Variants in CPQ observed in about 807,000 individuals in gnomAD.
The protein encoded by CPQ is carboxypeptidase Q.
CPQ carries 37 observed loss-of-function variants against 45.7 expected under a neutral mutation model. That is an observed-to-expected ratio of 0.81 (90% CI 0.62 to 1.07). The LOEUF (loss-of-function observed/expected upper bound fraction) is 1.07, where lower values mean the gene tolerates loss of function less well. Among genes scored for constraint, CPQ ranks in the 50% least tolerant of loss-of-function variants. CPQ has a pLI of 0.00. For synonymous variants in CPQ, 186 were observed against 205.8 expected, an observed-to-expected ratio of 0.90 and a Z score of 0.82; for missense variants, 537 against 572.9, an observed-to-expected ratio of 0.94 and a Z score of 0.64.
intron 6 of CPQ, among the ~76,000 whole-genome samples, chr8:97,061,245 G>T (rs1233748697): frequency 6.6e-6 from 1 of 152,004 alleles, no homozygotes; most frequent in African/African-American, 2.4e-5. Context: ...GAAGCAAATT[G>T]TGGAGCAAGA....
At chr8:97,126,941 T>C (rs1030546657) in intron 7 of CPQ, among the ~76,000 whole-genome samples, 1 of 152,142 alleles carries the variant, frequency 6.6e-6, no homozygotes, top group Non-Finnish European at 1.5e-5. Context: ...TTACAACAAA[T>C]AGTGTTAAAA....
At position 96,787,525 on chromosome 8, in the gene CPQ, C is replaced by CTTTTTTTTTTTTTTTTTTTTTTTTTTTT. The variant is rs71267281; in HGVS notation, c.433+2198_433+2225dup. Among the ~76,000 whole-genome samples the CTTTTTTTTTTTTTTTTTTTTTTTTTTTT allele has an allele frequency of 2.0e-3, 93 of 47,590 alleles. 31 individuals carry two copies. Among genetic ancestry groups the CTTTTTTTTTTTTTTTTTTTTTTTTTTTT allele is most frequent in the Non-Finnish European group, 2.8e-3 (74 of 26,810 alleles). 31.2% of individuals were successfully genotyped at this position (47,590 alleles called of 152,430 possible). A position where few individuals can be genotyped will look rare whatever the true frequency, so the allele number is the denominator to read the frequency against. On this transcript the variant is annotated intron_variant, in intron 2 of 7. Coordinates refer to ENST00000220763, the MANE Select transcript of CPQ (RefSeq NM_016134.4). ...TTGTAGTTTCATTTTCTTATAATGT[C>CTTTTTTTTTTTTTTTTTTTTTTTTTTTT]TTTTTTTTTTTTTTTTTTTTTTTTT...
chr8:97,096,655 G>A (rs566413437), intron 7 of CPQ, among the ~76,000 whole-genome samples: 20 of 152,308 alleles, frequency 1.3e-4, no homozygotes, highest in Middle Eastern at 3.4e-3. Context: ...GAGTGCATGA[G>A]ATTTGAAGGG....
In CPQ at chr8:96,729,450, A is replaced by T. The variant is rs538043503; in HGVS notation, c.-34-55414A>T. 1.4e-3 allele frequency among the ~76,000 whole-genome samples: 219 copies of T among 152,290 alleles called. 4 individuals carry two copies. Among genetic ancestry groups the T allele is most frequent in the Admixed American group, 0.011 (170 of 15,292 alleles). Reference sequence around the variant, plus strand: ...GGAAAGAGGTTTTCCTATCTTCATTATAAGAAGGACAGTATTTTCTAGCCA... The same window carrying T: ...GGAAAGAGGTTTTCCTATCTTCATTTTAAGAAGGACAGTATTTTCTAGCCA... On this transcript the variant is annotated intron_variant, in intron 1 of 7. Transcript: ENST00000220763.
chr8:96,914,211 A>G (rs1812703395), intron 4 of CPQ, among the ~76,000 whole-genome samples: 2 of 152,186 alleles, frequency 1.3e-5, no homozygotes, highest in South Asian at 4.1e-4. Context: ...TAGTTTTGTA[A>G]AAGGAGACAG....
chr8:97,088,723 C>T (rs565263402), intron 7 of CPQ, among the ~76,000 whole-genome samples: 2 of 152,248 alleles, frequency 1.3e-5, no homozygotes, highest in African/African-American at 4.8e-5. Flanking sequence ...CATTTAGAAC[C>T]TATAGCCTAG....
At chr8:96,960,711 T>G (rs544160661) in intron 4 of CPQ, among the ~76,000 whole-genome samples, 1 of 152,324 alleles carries the variant, frequency 6.6e-6, no homozygotes, top group African/African-American at 2.4e-5. Flanking sequence ...TTGCTTTTCT[T>G]CATAGTTATA....
chr8:96,800,793 A>G (rs1810996686), intron 2 of CPQ, among the ~76,000 whole-genome samples: 1 of 152,216 alleles, frequency 6.6e-6, no homozygotes, highest in Non-Finnish European at 1.5e-5. Flanking sequence ...AAGAAGATAT[A>G]CAATCAAAAA....
chr8:96,884,898 T>C (rs1026917799), intron 4 of CPQ, among the ~76,000 whole-genome samples: 31 of 152,318 alleles, frequency 2.0e-4, no homozygotes, highest in African/African-American at 7.0e-4. Flanking sequence ...AAATAACTTA[T>C]AAAATTAGCT....
At chr8:96,876,917 GT>G (rs975979176) in intron 3 of CPQ, among the ~76,000 whole-genome samples, 1 of 152,132 alleles carries the variant, frequency 6.6e-6, no homozygotes, top group African/African-American at 2.4e-5. Flanking sequence ...CCTTTGTCTG[GT>G]TTTGATGACA....
chr8:96,947,878 A>G (rs940843897), intron 4 of CPQ, among the ~76,000 whole-genome samples: 12 of 152,134 alleles, frequency 7.9e-5, no homozygotes, highest in Admixed American at 7.2e-4. Flanking sequence ...TGAGACAGGC[A>G]GACCAAACCC....
At chr8:96,794,130 T>A (rs1810891818) in intron 2 of CPQ, among the ~76,000 whole-genome samples, 1 of 152,186 alleles carries the variant, frequency 6.6e-6, no homozygotes, top group African/African-American at 2.4e-5. Context: ...GTGTGGGGGC[T>A]CTGATCCTAC....
intron 6 of CPQ, among the ~76,000 whole-genome samples, chr8:97,036,164 G>A (rs554946698): frequency 2.6e-5 from 4 of 152,186 alleles, no homozygotes; most frequent in South Asian, 4.2e-4. Flanking sequence ...TAGAAATGCC[G>A]TCCTGCTCAT....
In CPQ at chr8:96,922,502, C is replaced by T. The variant is rs116342217; in HGVS notation, c.849+42497C>T. Among the ~76,000 whole-genome samples, 1,521 of 152,256 alleles carry T rather than the reference C, an allele frequency of 1.0e-2. 14 individuals are homozygous for T. Among genetic ancestry groups the T allele is most frequent in the African/African-American group, 0.034 (1,396 of 41,546 alleles). Reference sequence around the variant, plus strand: ...GAAGAGAACAGACTGCTGTGAATTCCGTGTACTCAGCCTGAGCTGCCAAAC... The same window carrying T: ...GAAGAGAACAGACTGCTGTGAATTCTGTGTACTCAGCCTGAGCTGCCAAAC... On this transcript the variant is annotated intron_variant, in intron 4 of 7. Coordinates refer to ENST00000220763, the MANE Select transcript of CPQ (RefSeq NM_016134.4).
chr8:96,880,882 A>G (rs1426442561), intron 4 of CPQ, among the ~76,000 whole-genome samples: 2 of 152,206 alleles, frequency 1.3e-5, no homozygotes, highest in East Asian at 1.9e-4. Context: ...GCCTCACACA[A>G]TATGTCCATA....
chr8:97,081,028 C>T (rs939320410), intron 7 of CPQ, among the ~76,000 whole-genome samples: 26 of 151,542 alleles, frequency 1.7e-4, no homozygotes, highest in African/African-American at 4.6e-4. Flanking sequence ...AGAAACATAG[C>T]GTGGACTTCA....
intron 6 of CPQ, among the ~76,000 whole-genome samples, chr8:97,040,894 G>A (rs1023503359): frequency 1.1e-4 from 16 of 152,180 alleles, no homozygotes; most frequent in African/African-American, 3.6e-4. Flanking sequence ...TAGCCTTGTA[G>A]TATAGTTTGA....
intron 1 of CPQ, among the ~76,000 whole-genome samples, chr8:96,731,046 G>A (rs557801618): frequency 9.2e-5 from 14 of 151,600 alleles, no homozygotes; most frequent in South Asian, 4.2e-4. Context: ...CCCACTCCCC[G>A]TTTCTTTCAA....
intron 1 of CPQ, among the ~76,000 whole-genome samples, chr8:96,747,126 A>C (rs1410248778): frequency 6.6e-6 from 1 of 152,062 alleles, no homozygotes; most frequent in Non-Finnish European, 1.5e-5. Context: ...CGCTGTCTCT[A>C]CTAAAAATAC....
Sources: allele counts gnomAD v4.1 joint callset (sites outside exome capture counted in the v4.1 genomes callset), GRCh38; gene constraint gnomAD v4.1.1; transcripts MANE v1.5; gene names NCBI Gene and HGNC (gene_info 2026-07-23, HGNC 2026-07-21).